SLFN12: variants seen among roughly 807,000 people sequenced by gnomAD.
The protein encoded by SLFN12 is schlafen family member 12, also known as ribonuclease SLFN12.
A neutral mutation model predicts 29.1 loss-of-function variants in SLFN12; 25 were observed. The ratio of observed to expected loss-of-function variants is 0.86; its 90% CI spans 0.63 to 1.20. SLFN12 has a LOEUF of 1.20. Ranked by LOEUF, SLFN12 falls within the 50% of genes most tolerant of loss-of-function variation. The pLI is 0.00. For synonymous variants in SLFN12, 257 were observed against 238.7 expected (o/e 1.08, Z -0.71); for missense variants, 660 against 666.2 (o/e 0.99, Z 0.10).
intron 1 of SLFN12, among the ~76,000 whole-genome samples, chr17:35,423,325 T>C (rs1446968590): frequency 6.6e-6 from 1 of 152,142 alleles, no homozygotes; most frequent in East Asian, 1.9e-4. Context: ...TTTTCTCCTT[T>C]CTAGTCCCTA....
chr17:35,423,064 C>A lies in SLFN12; in HGVS notation c.-36G>T, dbSNP rs768435780. ...GCTATGCAGTGTCCAAGCAGAAATT[C>A]TTTTCTGTAAAATAGACAGAGCCAT... On this transcript the variant is annotated 5_prime_UTR_variant, in exon 2 of 4. Coordinates refer to ENST00000304905, the MANE Select transcript of SLFN12 (RefSeq NM_018042.5). The A allele has an allele frequency of 3.8e-6, 6 of 1,562,260 alleles. No individual in the cohort carries two copies. The South Asian group carries it at 4.9e-5, about 13-fold the overall frequency.
intron 1 of SLFN12, among the ~76,000 whole-genome samples, chr17:35,429,710 C>G (rs1309825589): frequency 6.6e-6 from 1 of 152,050 alleles, no homozygotes; most frequent in Admixed American, 6.5e-5. Flanking sequence ...AAACAAAAAT[C>G]ATGCAACACT....
intron 1 of SLFN12, 59 bp from the exon 2 acceptor site, chr17:35,423,127 T>C (rs1026530770): frequency 1.3e-6 from 2 of 1,497,140 alleles, no homozygotes; most frequent in Non-Finnish European, 1.8e-6. Context: ...GCAAATTCTG[T>C]ATTATGAGGC....
chr17:35,427,469 A>G (rs1434619821), intron 1 of SLFN12, among the ~76,000 whole-genome samples: 1 of 152,102 alleles, frequency 6.6e-6, no homozygotes, highest in Non-Finnish European at 1.5e-5. Context: ...TTGACAGACA[A>G]TGCAATCAAT....
intron 3 of SLFN12, among the ~76,000 whole-genome samples, chr17:35,414,469 T>C (rs905513999): frequency 1.3e-5 from 2 of 151,974 alleles, no homozygotes; most frequent in Non-Finnish European, 2.9e-5. Flanking sequence ...AAGACACAAA[T>C]AAATGGAAAG....
intron 3 of SLFN12, 22 bp downstream of exon 3, chr17:35,420,252 G>A (rs764674461): frequency 7.7e-6 from 12 of 1,563,500 alleles, no homozygotes; most frequent in South Asian, 2.2e-5. Flanking sequence ...TAACAAATCC[G>A]AAGAAGCCAG....
chr17:35,432,882 G>T, upstream of SLFN12: 1 of 152,262 alleles, frequency 6.6e-6, no homozygotes, highest in Non-Finnish European at 1.5e-5. Flanking sequence ...GGAAGGTTTA[G>T]CGATGGAGCA....
chr17:35,415,592 A>G (rs773129209), intron 3 of SLFN12, among the ~76,000 whole-genome samples: 30 of 152,148 alleles, frequency 2.0e-4, no homozygotes, highest in Non-Finnish European at 4.1e-4. Flanking sequence ...AGTGGGAGAA[A>G]ATATTTGCAA....
chr17:35,422,883 C>G lies in SLFN12; in HGVS notation c.146G>C (p.Cys49Ser). 6.2e-7 allele frequency: 1 copy of G among 1,613,996 alleles called. No homozygotes were observed. Among genetic ancestry groups the G allele is most frequent in the Non-Finnish European group, 8.5e-7 (1 of 1,179,966 alleles). ...KQNESVSRAM[C>S]ALLNSGGGVI... ...TCCCCCTCCAGAATTGAGCAGAGCA[C>G]ACATAGCTCGTGAGACACTTTCATT... The change falls in exon 2 of 4, where the codon TGT (cysteine) becomes TCT (serine). Residue 49 changes from cysteine to serine, a missense_variant. Transcript: ENST00000304905.
intron 2 of SLFN12, among the ~76,000 whole-genome samples, chr17:35,421,761 C>G (rs1027789167): frequency 1.3e-5 from 2 of 151,928 alleles, no homozygotes; most frequent in African/African-American, 4.8e-5. Flanking sequence ...GGGATGGTCT[C>G]TATCTCCTGA....
At chr17:35,413,406 C>CA (rs1911141886) in intron 3 of SLFN12, among the ~76,000 whole-genome samples, 1 of 151,928 alleles carries the variant, frequency 6.6e-6, no homozygotes, top group South Asian at 2.1e-4. Flanking sequence ...AAACTAGATG[C>CA]AAAAATTCTC....
Position 35,418,975 on chromosome 17 carries a change from C to A in SLFN12, c.1147+1299G>T, listed in dbSNP as rs1911473485. Among the ~76,000 whole-genome samples, 4 of 152,064 alleles carry A rather than the reference C, an allele frequency of 2.6e-5. No individual in the cohort carries two copies. In the South Asian group the frequency reaches 8.3e-4, roughly 31 times the overall value. On this transcript the variant is annotated intron_variant, in intron 3 of 3. Coordinates refer to ENST00000304905, the MANE Select transcript of SLFN12 (RefSeq NM_018042.5). ...CTCCGCCTCCTGGATTCAAATGATT[C>A]TTGTGCCTCAGTCTCCTGAGTAGCT...
chr17:35,416,997 C>A (rs926792664), intron 3 of SLFN12, among the ~76,000 whole-genome samples: 26 of 152,052 alleles, frequency 1.7e-4, no homozygotes, highest in African/African-American at 6.3e-4. Context: ...TCAAGCATAT[C>A]ATTCTAATCT....
rs755523347 is a variant in SLFN12 at position 35,411,602 on chromosome 17, C to G, written c.1473G>C (p.Val491=). ...LAKIGGYTKK[V]CVMTKIFYLS... Reference sequence around the variant, plus strand: ...AGTAGAAGATCTTTGTCATGACACACACTTTTTTAGTGTAACCACCAATTT... The same window carrying G: ...AGTAGAAGATCTTTGTCATGACACAGACTTTTTTAGTGTAACCACCAATTT... The change falls in exon 4 of 4, where the codon GTG becomes GTC. Residue 491 remains valine, a synonymous_variant. Coordinates refer to ENST00000304905, the MANE Select transcript of SLFN12 (RefSeq NM_018042.5). 1.2e-6 allele frequency: 2 copies of G among 1,614,094 alleles called. No homozygotes were observed. Among genetic ancestry groups the G allele is most frequent in the Non-Finnish European group, 1.7e-6 (2 of 1,180,006 alleles).
Position 35,411,653 on chromosome 17 carries a change from G to C in SLFN12, c.1422C>G (p.Ala474=). Residue 474 remains alanine, a synonymous_variant, in exon 4 of 4, where the codon GCC becomes GCG. Transcript: ENST00000304905. Reference sequence around the variant, plus strand: ...TTGCCAGCTTCTGCTTTAAGGTTAGGGCAGTTTGTGTAGAATAGCCTTTAA... The same window carrying C: ...TTGCCAGCTTCTGCTTTAAGGTTAGCGCAGTTTGTGTAGAATAGCCTTTAA... The part of the protein sequence containing the change: ...EEFKGYSTQT[A]LTLKQKLAKI... 1.2e-6 allele frequency: 2 copies of C among 1,613,966 alleles called. No individual in the cohort carries two copies. Among genetic ancestry groups the C allele is most frequent in the Middle Eastern group, 3.3e-4 (2 of 6,060 alleles).
chr17:35,424,296 T>A (rs9893390), intron 1 of SLFN12, among the ~76,000 whole-genome samples: 21,569 of 152,086 alleles, frequency 0.14, 2,187 homozygotes, highest in African/African-American at 0.27. Context: ...AACTTTTTTT[T>A]AAAGTGTAAT....
At position 35,423,037 on chromosome 17, in the gene SLFN12, C is replaced by A; in HGVS notation, c.-9G>T. 6.3e-7 allele frequency: 1 copy of A among 1,597,134 alleles called. No homozygotes were observed. Among genetic ancestry groups the A allele is most frequent in the Non-Finnish European group, 8.5e-7 (1 of 1,171,722 alleles). On this transcript the variant is annotated 5_prime_UTR_variant, in exon 2 of 4. Coordinates refer to ENST00000304905, the MANE Select transcript of SLFN12 (RefSeq NM_018042.5). The stretch of plus-strand genomic sequence containing the variant: ...TCAACACTGATGTTCATTTTCCCAG[C>A]AGCTATGCAGTGTCCAAGCAGAAAT...
At chr17:35,430,389 TA>T (rs1912242854) in intron 1 of SLFN12, 1 of 152,260 alleles carries the variant, frequency 6.6e-6, no homozygotes, top group African/African-American at 2.4e-5. Flanking sequence ...TTTTGTTTTT[TA>T]AAATTCCCCC....
At chr17:35,417,039 G>A (rs1435969087) in intron 3 of SLFN12, among the ~76,000 whole-genome samples, 1 of 152,006 alleles carries the variant, frequency 6.6e-6, no homozygotes, top group Non-Finnish European at 1.5e-5. Flanking sequence ...TAGGAAAAGA[G>A]GAAATAATCC....
Sources: gnomAD v4.1 joint callset for allele counts (sites outside exome capture counted in the v4.1 genomes callset) on GRCh38, gnomAD v4.1.1 for gene constraint, MANE v1.5 for transcripts, NCBI Gene and HGNC (gene_info 2026-07-23, HGNC 2026-07-21) for gene names.